The following SNTA1 variants were observed in gnomAD, a reference collection of about 807,000 sequenced individuals.
SNTA1 encodes the protein syntrophin alpha 1, also known as alpha-1-syntrophin.
Under a neutral mutation model 47.1 loss-of-function variants are expected in SNTA1, and 31 were observed. That is an observed-to-expected ratio of 0.66 (90% CI 0.49 to 0.89). The LOEUF is 0.89. Ranked by LOEUF, SNTA1 falls within the 40% of genes least tolerant of loss-of-function variation. SNTA1 has a pLI of 0.00. For missense variants in SNTA1, 575 were observed against 693.0 expected (o/e 0.83, Z 1.91); for synonymous variants, 300 against 313.6 (o/e 0.96, Z 0.46).
Position 33,409,576 on chromosome 20 carries a change from T to G in SNTA1, c.1237+559A>C, listed in dbSNP as rs184015229. Among the ~76,000 whole-genome samples the G allele has an allele frequency of 3.1e-3, 472 of 151,562 alleles. 1 individual carries two copies. Among genetic ancestry groups the G allele is most frequent in the Non-Finnish European group, 5.9e-3 (403 of 67,936 alleles). ...CCCGGGTTCAAGTGATTCTCGTGCC[T>G]CAGCTTCCTGCGTAGCTGGGACTAC... On this transcript the variant is annotated intron_variant, in intron 6 of 7. Transcript: ENST00000217381.
intron 2 of SNTA1, among the ~76,000 whole-genome samples, chr20:33,421,957 CAAAAAAAAAAAA>C (rs34754645): frequency 7.1e-5 from 5 of 70,042 alleles, no homozygotes; most frequent in Admixed American, 6.0e-4. Flanking sequence ...ACCCTGTCTC[CAAAAAAAAAAAA>C]AAAAAAAAAA....
chr20:33,435,989 T>C (rs1053810620), intron 2 of SNTA1, among the ~76,000 whole-genome samples: 1 of 151,958 alleles, frequency 6.6e-6, no homozygotes, highest in Non-Finnish European at 1.5e-5. Context: ...GGTCAGGAGA[T>C]CGAGACCATC....
At position 33,437,615 on chromosome 20, in the gene SNTA1, A is replaced by G. The variant is rs146872298; in HGVS notation, c.496+1226T>C. ...CTTGGACACTCCTTTAGGGAAACCAAGGCAACCCACCAGGATTTGGGCCTG... is the reference window on the plus strand; with the variant it reads ...CTTGGACACTCCTTTAGGGAAACCAGGGCAACCCACCAGGATTTGGGCCTG... On this transcript the variant is annotated intron_variant, in intron 2 of 7. Transcript: ENST00000217381. Among the ~76,000 whole-genome samples, 1,065 of 152,240 alleles carry G rather than the reference A, an allele frequency of 7.0e-3. 6 individuals carry two copies. The highest frequency in any genetic ancestry group is 0.012 in the Non-Finnish European group (802 of 68,020).
intron 3 of SNTA1, among the ~76,000 whole-genome samples, chr20:33,413,282 C>G (rs1050466585): frequency 6.6e-6 from 1 of 152,096 alleles, no homozygotes; most frequent in Non-Finnish European, 1.5e-5. Flanking sequence ...CATGAGCCAC[C>G]ATGCCTGGCC....
At chr20:33,417,568 C>T (rs1002292520) in intron 3 of SNTA1, 151 bp downstream of exon 3, 1 of 668,140 alleles carries the variant, frequency 1.5e-6, no homozygotes, top group Non-Finnish European at 2.7e-6. Flanking sequence ...CATGGCTTCA[C>T]TCAGGCTTCC....
chr20:33,443,729 C>T lies in SNTA1; in HGVS notation c.-109G>A. 1 of 629,696 alleles carries T rather than the reference C, an allele frequency of 1.6e-6. No individual in the cohort carries two copies. The highest frequency in any genetic ancestry group is 2.1e-6 in the Non-Finnish European group (1 of 475,264). The allele number at this position is 629,696 out of a possible 1,614,324, so 39.0% of individuals were successfully genotyped here. Reference sequence around the variant, plus strand: ...GCAGCGGGGGCCCGGCTGGGCCAGCCGCCACCCTACCCCGGCCGCTGGGGG... The same window carrying T: ...GCAGCGGGGGCCCGGCTGGGCCAGCTGCCACCCTACCCCGGCCGCTGGGGG... On this transcript the variant is annotated 5_prime_UTR_variant, in exon 1 of 8. Transcript: ENST00000217381.
chr20:33,443,730 G>C lies in SNTA1; in HGVS notation c.-110C>G. 1 of 626,776 alleles carries C rather than the reference G, an allele frequency of 1.6e-6. No homozygotes were observed. The highest frequency in any genetic ancestry group is 6.3e-4 in the Middle Eastern group (1 of 1,586). 38.8% of individuals were successfully genotyped at this position (626,776 alleles called of 1,614,324 possible). The stretch of plus-strand genomic sequence containing the variant: ...CAGCGGGGGCCCGGCTGGGCCAGCC[G>C]CCACCCTACCCCGGCCGCTGGGGGA... On this transcript the variant is annotated 5_prime_UTR_variant, in exon 1 of 8. Transcript: ENST00000217381.
chr20:33,443,212 G>GA lies in SNTA1; in HGVS notation c.310+98dup. On this transcript the variant is annotated intron_variant, in intron 1 of 7. Transcript: ENST00000217381. ...TCAGACCCCCCTTACCCCCAGACAG[G>GA]AAGCCTCCAGCTCCATGTCCTGGGC... 3.2e-6 allele frequency: 3 copies of GA among 930,670 alleles called. No homozygotes were observed. The East Asian group carries it at 1.1e-4, about 33-fold the overall frequency. 57.7% of individuals were successfully genotyped at this position (930,670 alleles called of 1,614,324 possible). A position where few individuals can be genotyped will look rare whatever the true frequency, so the allele number is the denominator to read the frequency against.
At chr20:33,432,137 G>A (rs1990325256) in intron 2 of SNTA1, among the ~76,000 whole-genome samples, 1 of 152,156 alleles carries the variant, frequency 6.6e-6, no homozygotes, top group Non-Finnish European at 1.5e-5. Flanking sequence ...CTGGGACAGG[G>A]GTCCCTCCAG....
chr20:33,433,895 T>G (rs1395216214), intron 2 of SNTA1, among the ~76,000 whole-genome samples: 1 of 152,122 alleles, frequency 6.6e-6, no homozygotes, highest in Non-Finnish European at 1.5e-5. Flanking sequence ...TTGCTGAGGC[T>G]CAGCTGAGCC....
chr20:33,436,897 C>T (rs1033065098), intron 2 of SNTA1, among the ~76,000 whole-genome samples: 29 of 143,852 alleles, frequency 2.0e-4, no homozygotes, highest in East Asian at 6.4e-4. Flanking sequence ...ACCTGGAAGG[C>T]GGAGGATGCA....
chr20:33,429,501 G>A (rs576796701), intron 2 of SNTA1, among the ~76,000 whole-genome samples: 406 of 151,438 alleles, frequency 2.7e-3, no homozygotes, highest in Middle Eastern at 0.01. Flanking sequence ...GTGTTGGTGC[G>A]CGCCTGTAAT....
chr20:33,408,701 G>C lies in SNTA1; in HGVS notation c.1425C>G (p.Ile475Met). Residue 475 changes from isoleucine (I) to methionine (M), a missense_variant and splice_region_variant, in exon 7 of 8, where the codon ATC (isoleucine) becomes ATG (methionine). Ile to Met is a conservative substitution (Grantham distance 10). Coordinates refer to ENST00000217381, the MANE Select transcript of SNTA1 (RefSeq NM_003098.3). ...FLDFGGAEGE[I>M]QLDLHSCPKT... ...GGTGCAGAGGCAGCCCCTCACTCAC[G>C]ATCTCGCCTTCAGCACCTCCAAAAT... The C allele has an allele frequency of 1.2e-6, 2 of 1,613,876 alleles. No homozygotes were observed. Among genetic ancestry groups the C allele is most frequent in the African/African-American group, 1.3e-5 (1 of 75,000 alleles).
intron 2 of SNTA1, among the ~76,000 whole-genome samples, chr20:33,424,040 C>T (rs962223412): frequency 2.0e-5 from 3 of 149,394 alleles, no homozygotes; most frequent in Non-Finnish European, 3.0e-5. Context: ...GACGGCCGGG[C>T]GCGGTGGCTC....
At chr20:33,427,951 G>A (rs1990206042) in intron 2 of SNTA1, among the ~76,000 whole-genome samples, 3 of 151,800 alleles carry the variant, frequency 2.0e-5, no homozygotes, top group Admixed American at 6.6e-5. Context: ...GTCTTGCTAT[G>A]TTGTCCAAGC....
rs780208353 is a variant in SNTA1 at position 33,438,828 on chromosome 20, C to T, written c.496+13G>A. 5.6e-6 allele frequency: 9 copies of T among 1,610,040 alleles called. No homozygotes were observed. Among genetic ancestry groups the T allele is most frequent in the Admixed American group, 3.3e-5 (2 of 60,008 alleles). On this transcript the variant is annotated intron_variant, in intron 2 of 7. Transcript: ENST00000217381. ...CACCCAGCCCCTCTGAACCCTGGAA[C>T]GTCAGTGCTTACCCTCCAGCACCAC...
chr20:33,408,641 C>T, intron 7 of SNTA1, 42 bp from the exon 8 acceptor site: 1 of 1,611,204 alleles, frequency 6.2e-7, no homozygotes. Flanking sequence ...CCTGGCCAGC[C>T]TGGCCTCCGA....
rs1241339729 is a variant in SNTA1, at chr20:33,412,291, G to T, written c.1040+5C>A. 1.9e-6 allele frequency: 3 copies of T among 1,610,288 alleles called. No individual in the cohort carries two copies. The highest frequency in any genetic ancestry group is 2.5e-6 in the Non-Finnish European group (3 of 1,179,224). On this transcript the variant is annotated splice_donor_5th_base_variant and intron_variant, in intron 5 of 7. Transcript: ENST00000217381. ...GGGAGACATACTGCCCCTGCCTGTG[G>T]GTACCTGGTGGCGATGAGTGGGGCA...
chr20:33,423,713 G>A (rs1288328035), intron 2 of SNTA1, among the ~76,000 whole-genome samples: 1 of 152,170 alleles, frequency 6.6e-6, no homozygotes, highest in African/African-American at 2.4e-5. Context: ...TAAGTGGACT[G>A]GGGGTCACAT....
Sources: allele counts gnomAD v4.1 joint callset (sites outside exome capture counted in the v4.1 genomes callset), GRCh38; gene constraint gnomAD v4.1.1; transcripts MANE v1.5; gene names NCBI Gene and HGNC (gene_info 2026-07-23, HGNC 2026-07-21).